The following CRHR2 variants were observed in gnomAD, a reference collection of about 807,000 sequenced individuals.
CRHR2 encodes the protein corticotropin releasing hormone receptor 2, also known as corticotropin-releasing hormone receptor 2.
CRHR2 carries 53 observed loss-of-function variants against 57.9 expected under a neutral mutation model. The ratio of observed to expected loss-of-function variants is 0.92; its 90% confidence interval spans 0.73 to 1.15. CRHR2 has a LOEUF of 1.15. Among genes scored for constraint, CRHR2 ranks in the 50% most tolerant of loss-of-function variants. CRHR2 has a pLI of 0.00. For missense variants in CRHR2, 532 were observed against 542.6 expected (o/e 0.98, Z 0.19); for synonymous variants, 213 against 220.9 (o/e 0.96, Z 0.32).
chr7:30,662,013 C>T, intron 7 of CRHR2, 143 bp downstream of exon 7: 1 of 816,042 alleles, frequency 1.2e-6, no homozygotes, highest in Non-Finnish European at 1.9e-6. Context: ...CTATTTTTTT[C>T]AATTTAAGGA....
At chr7:30,675,884 C>T (rs547213439) in intron 2 of CRHR2, among the ~76,000 whole-genome samples, 2 of 152,328 alleles carry the variant, frequency 1.3e-5, no homozygotes, top group South Asian at 2.1e-4. Flanking sequence ...TGTCTCTAGG[C>T]TCCTCAATTC....
At chr7:30,692,435 C>T (rs542463411) in intron 1 of CRHR2, among the ~76,000 whole-genome samples, 3 of 152,304 alleles carry the variant, frequency 2.0e-5, no homozygotes, top group South Asian at 4.1e-4. Context: ...CGCCCCTCAG[C>T]GGTGCTCAGT....
chr7:30,699,277 G>T (rs772258221), intron 1 of CRHR2, among the ~76,000 whole-genome samples: 1 of 152,312 alleles, frequency 6.6e-6, no homozygotes, highest in Middle Eastern at 3.4e-3. Context: ...GGTGGCCCCT[G>T]ACTCTGGACA....
chr7:30,690,755 G>T (rs1562811455), intron 1 of CRHR2, among the ~76,000 whole-genome samples: 2 of 152,210 alleles, frequency 1.3e-5, no homozygotes, highest in African/African-American at 4.8e-5. Flanking sequence ...ACAGGAGAGT[G>T]CTGCCCCCTG....
chr7:30,667,351 CCCT>C, intron 2 of CRHR2, 38 bp from the exon 3 acceptor site: 1 of 1,591,156 alleles, frequency 6.3e-7, no homozygotes. Context: ...CAGGTCACTC[CCCT>C]CCTCAAGAAC....
intron 2 of CRHR2, among the ~76,000 whole-genome samples, chr7:30,679,180 A>C (rs1784617502): frequency 6.6e-6 from 1 of 152,164 alleles, no homozygotes; most frequent in South Asian, 2.1e-4. Context: ...ACCTGTCCCC[A>C]GAAGTCCAGC....
chr7:30,687,715 A>T (rs1267761316), intron 2 of CRHR2, among the ~76,000 whole-genome samples: 2 of 152,218 alleles, frequency 1.3e-5, no homozygotes, highest in African/African-American at 4.8e-5. Flanking sequence ...CAGAGCGGGG[A>T]CCATCCGCCA....
intron 1 of CRHR2, among the ~76,000 whole-genome samples, chr7:30,696,480 G>A (rs1785059877): frequency 6.6e-6 from 1 of 152,174 alleles, no homozygotes; most frequent in African/African-American, 2.4e-5. Context: ...CCAGCACTTT[G>A]GGAGGCCGAG....
In CRHR2 at chr7:30,663,399, G is replaced by T. The variant is rs116279724; in HGVS notation, c.544-552C>A. On this transcript the variant is annotated intron_variant, in intron 5 of 11. Transcript: ENST00000471646. ...ACTTGGCACAATTATTACTAGCTCT[G>T]GAGGGAGACTTGCAAAGTACACGGC... is the stretch of plus-strand genomic sequence containing the variant. 5.9e-3 allele frequency among the ~76,000 whole-genome samples: 900 copies of T among 152,318 alleles called. 9 individuals carry two copies. Among genetic ancestry groups the T allele is most frequent in the African/African-American group, 0.02 (837 of 41,570 alleles).
chr7:30,654,108 GC>G (rs1200242572), intron 11 of CRHR2, among the ~76,000 whole-genome samples: 1 of 152,158 alleles, frequency 6.6e-6, no homozygotes, highest in African/African-American at 2.4e-5. Context: ...GGCATTTACT[GC>G]CTGAAAGGGA....
intron 1 of CRHR2, among the ~76,000 whole-genome samples, chr7:30,691,915 A>T (rs184593660): frequency 6.6e-6 from 1 of 152,338 alleles, no homozygotes; most frequent in Non-Finnish European, 1.5e-5. Context: ...CACATGGTCC[A>T]GGAAAGTCAG....
chr7:30,673,958 C>G (rs1447517329), intron 2 of CRHR2, among the ~76,000 whole-genome samples: 1 of 152,156 alleles, frequency 6.6e-6, no homozygotes, highest in Non-Finnish European at 1.5e-5. Flanking sequence ...CCCCAGGGCC[C>G]TTTGCTGGTG....
chr7:30,654,806 G>GCT lies in CRHR2; in HGVS notation c.1095+231_1095+232dup, dbSNP rs770188242. 1.2e-4 allele frequency: 188 copies of GCT among 1,538,616 alleles called. No individual in the cohort carries two copies. In the African/African-American group the frequency reaches 1.8e-3, roughly 15 times the overall value. ...CGGCCTGGGCTTCCTTGCTCACCCA[G>GCT]CTCTGAGTGCACATGTGGGGTGCTG... On this transcript the variant is annotated intron_variant, in intron 11 of 11. Coordinates refer to ENST00000471646, the MANE Select transcript of CRHR2 (RefSeq NM_001883.5).
chr7:30,693,533 T>A (rs1312663855), intron 1 of CRHR2, among the ~76,000 whole-genome samples: 1 of 152,254 alleles, frequency 6.6e-6, no homozygotes, highest in Non-Finnish European at 1.5e-5. Flanking sequence ...TTCAGCTATA[T>A]CCTTTGTGAT....
intron 2 of CRHR2, among the ~76,000 whole-genome samples, chr7:30,675,848 C>A (rs1193879421): frequency 6.6e-6 from 1 of 152,210 alleles, no homozygotes; most frequent in Non-Finnish European, 1.5e-5. Flanking sequence ...AAGGCAGGCT[C>A]AGGTCTTATG....
intron 2 of CRHR2, among the ~76,000 whole-genome samples, chr7:30,678,240 C>A (rs1784582912): frequency 6.6e-6 from 1 of 152,224 alleles, no homozygotes; most frequent in Admixed American, 6.5e-5. Flanking sequence ...GGCAGCAGAA[C>A]CTGGGTTTGA....
intron 1 of CRHR2, among the ~76,000 whole-genome samples, chr7:30,698,939 A>G (rs1432123783): frequency 1.3e-5 from 2 of 152,198 alleles, no homozygotes; most frequent in Non-Finnish European, 2.9e-5. Context: ...CAAAGCAGGG[A>G]TCTGGATTGG....
Position 30,667,315 on chromosome 7 carries a change from T to C in CRHR2, c.230-2A>G. On this transcript the variant is annotated splice_acceptor_variant, in intron 2 of 11. Coordinates refer to ENST00000471646, the MANE Select transcript of CRHR2 (RefSeq NM_001883.5). LOFTEE classifies it high-confidence loss of function. ...CCAAGCATTCTCGATAGGCATTCCC[T>C]ACAAAAAATGCCAACTGCCAAGAGT... 1.2e-6 allele frequency: 2 copies of C among 1,613,992 alleles called. No individual in the cohort carries two copies. Among genetic ancestry groups the C allele is most frequent in the Non-Finnish European group, 1.7e-6 (2 of 1,179,904 alleles).
chr7:30,665,264 G>C lies in CRHR2; in HGVS notation c.426-77C>G. ...TGGGTTCCCCCTGAGGCCAGGTAGA[G>C]ACTCAGCCTGGGATGAGGGCAGGGC... On this transcript the variant is annotated intron_variant, in intron 4 of 11. Coordinates refer to ENST00000471646, the MANE Select transcript of CRHR2 (RefSeq NM_001883.5). The surrounding 1 kb of genome is among the most constrained non-coding windows in gnomAD (Gnocchi z 4.5). 17 of 1,290,132 alleles carry C rather than the reference G, an allele frequency of 1.3e-5. No homozygotes were observed. Among genetic ancestry groups the C allele is most frequent in the Non-Finnish European group, 1.9e-5 (17 of 892,310 alleles). 79.9% of individuals were successfully genotyped at this position (1,290,132 alleles called of 1,614,324 possible).
Sources: allele counts gnomAD v4.1 joint callset (sites outside exome capture counted in the v4.1 genomes callset), GRCh38; gene constraint gnomAD v4.1.1; non-coding constraint Gnocchi (gnomAD v3.1); transcripts MANE v1.5; gene names NCBI Gene and HGNC (gene_info 2026-07-23, HGNC 2026-07-21).